Variants in LRP2 observed in about 807,000 individuals in gnomAD.
LRP2 encodes low-density lipoprotein receptor-related protein 2.
LRP2 carries 172 observed loss-of-function variants against 531.0 expected under a neutral mutation model. The observed-to-expected ratio is 0.32, with a 90% CI of 0.29 to 0.37. The LOEUF (loss-of-function observed/expected upper bound fraction) is 0.37, where lower values mean the gene tolerates loss of function less well. Ranked by LOEUF, LRP2 falls within the 10% of genes least tolerant of loss-of-function variation. The pLI, the probability that LRP2 is intolerant of heterozygous loss-of-function variation, is 1.00. For synonymous variants in LRP2, 1,992 were observed against 2,027.6 expected (o/e 0.98, Z 0.47); for missense variants, 5,167 against 5,868.3 (o/e 0.88, Z 3.90).
intron 1 of LRP2, among the ~76,000 whole-genome samples, chr2:169,348,263 T>C (rs3821129): frequency 0.042 from 6,468 of 152,300 alleles, 257 homozygotes; most frequent in East Asian, 0.19. Context: ...AATTCCATCA[T>C]TCTCCTGCCT....
chr2:169,174,671 G>T (rs1473005694), intron 55 of LRP2, among the ~76,000 whole-genome samples: 2 of 152,110 alleles, frequency 1.3e-5, no homozygotes, highest in Non-Finnish European at 2.9e-5. Flanking sequence ...ACCATGCCAG[G>T]CTAATTTTTT....
chr2:169,309,353 T>A (rs1684524180), intron 3 of LRP2, among the ~76,000 whole-genome samples: 2 of 152,214 alleles, frequency 1.3e-5, no homozygotes, highest in Non-Finnish European at 2.9e-5. Flanking sequence ...TTTTATGGTT[T>A]TAGGTCTGAC....
At chr2:169,220,415 A>G in intron 34 of LRP2, 39 bp downstream of exon 34, 2 of 1,420,366 alleles carry the variant, frequency 1.4e-6, no homozygotes, top group Non-Finnish European at 2.0e-6. Flanking sequence ...AACAAGAACA[A>G]TGCTGCATGG....
chr2:169,176,324 A>G (rs1476536039), intron 54 of LRP2, 87 bp downstream of exon 54: 75 of 1,511,806 alleles, frequency 5.0e-5, no homozygotes, highest in Admixed American at 2.1e-4. Flanking sequence ...TTGTCTCACT[A>G]GAAAACTCCC....
intron 77 of LRP2, among the ~76,000 whole-genome samples, chr2:169,130,821 G>A (rs1685258395): frequency 6.6e-6 from 1 of 152,144 alleles, no homozygotes; most frequent in South Asian, 2.1e-4. Flanking sequence ...AGTAAGAGGA[G>A]GAACCAAGGT....
At chr2:169,342,099 G>C (rs1294337397) in intron 1 of LRP2, among the ~76,000 whole-genome samples, 1 of 151,882 alleles carries the variant, frequency 6.6e-6, no homozygotes, top group Non-Finnish European at 1.5e-5. Flanking sequence ...TTCCCTGAGG[G>C]AGATGAACCA....
chr2:169,317,034 G>A (rs1684782507), intron 3 of LRP2, among the ~76,000 whole-genome samples: 1 of 152,124 alleles, frequency 6.6e-6, no homozygotes, highest in South Asian at 2.1e-4. Context: ...TGAATACAGA[G>A]GTGGCATATT....
Position 169,139,296 on chromosome 2 carries a change from T to A in LRP2, c.13343A>T (p.Tyr4448Phe). 2 of 1,614,162 alleles carry A rather than the reference T, an allele frequency of 1.2e-6. No homozygotes were observed. The highest frequency in any genetic ancestry group is 1.7e-6 in the Non-Finnish European group (2 of 1,180,024). Residue 4448 changes from tyrosine to phenylalanine, a missense_variant, in exon 74 of 79, where the codon TAT becomes TTT. Tyr to Phe is a conservative substitution (Grantham distance 22). Coordinates refer to ENST00000649046, the MANE Select transcript of LRP2 (RefSeq NM_004525.3). ...GALAIAGFFH[Y>F]RRTGSLLPAL... ...AGGCAAAAGGGAGCCGGTCCTTCTA[T>A]AGTGGAAGAATCCTGCAATTGCCAG...
At chr2:169,144,161 G>T (rs183629930) in intron 70 of LRP2, among the ~76,000 whole-genome samples, 33 of 152,264 alleles carry the variant, frequency 2.2e-4, no homozygotes, top group African/African-American at 7.7e-4. Flanking sequence ...CTGGAGCAGC[G>T]GTTCTCAAAA....
chr2:169,350,350 A>G (rs1198893517), intron 1 of LRP2, among the ~76,000 whole-genome samples: 3 of 152,078 alleles, frequency 2.0e-5, no homozygotes, highest in Non-Finnish European at 4.4e-5. Context: ...GTGGGTCTAG[A>G]CTATAGGGTA....
intron 1 of LRP2, among the ~76,000 whole-genome samples, chr2:169,321,276 A>G (rs1324765926): frequency 2.0e-5 from 3 of 152,208 alleles, no homozygotes; most frequent in Non-Finnish European, 4.4e-5. Flanking sequence ...TATTTATAAC[A>G]AAGGAAGTTG....
intron 3 of LRP2, among the ~76,000 whole-genome samples, chr2:169,309,719 T>C (rs1684538144): frequency 6.6e-6 from 1 of 152,152 alleles, no homozygotes; most frequent in African/African-American, 2.4e-5. Context: ...TCTTTTTTGG[T>C]TCCATATGAA....
chr2:169,191,856 C>T lies in LRP2; in HGVS notation c.9008G>A (p.Gly3003Glu), dbSNP rs1449285656. Residue 3003 changes from glycine (G) to glutamate (E), a missense_variant, in exon 48 of 79, where the codon GGA (glycine) becomes GAA (glutamate). Physicochemically the swap from Gly to Glu is moderately conservative, Grantham distance 98 (BLOSUM62 -2). Coordinates refer to ENST00000649046, the MANE Select transcript of LRP2 (RefSeq NM_004525.3). ...CSENEFTCGY[G>E]LCIPKIFRCD... ...CCTGAATATCTTTGGGATACACAGT[C>T]CGTAACCACAGGTGAATTCATTTTC... 1 of 1,614,048 alleles carries T rather than the reference C, an allele frequency of 6.2e-7. No homozygotes were observed. The highest frequency in any genetic ancestry group is 2.2e-5 in the East Asian group (1 of 44,866).
At chr2:169,196,811 A>G in intron 46 of LRP2, 100 bp downstream of exon 46, 1 of 1,525,480 alleles carries the variant, frequency 6.6e-7, no homozygotes, top group Non-Finnish European at 9.0e-7. Flanking sequence ...AAGTCCAAGC[A>G]TTCAGCAGCC....
At chr2:169,337,094 C>T (rs1263581779) in intron 1 of LRP2, among the ~76,000 whole-genome samples, 1 of 152,172 alleles carries the variant, frequency 6.6e-6, no homozygotes, top group Admixed American at 6.5e-5. Flanking sequence ...TCCCTCAGAT[C>T]CCCATGACAT....
At chr2:169,192,874 C>T (rs1362987886) in intron 47 of LRP2, among the ~76,000 whole-genome samples, 1 of 152,090 alleles carries the variant, frequency 6.6e-6, no homozygotes, top group African/African-American at 2.4e-5. Flanking sequence ...TGACCCACCA[C>T]CAAAGTCACA....
chr2:169,351,365 T>C (rs1249022986), intron 1 of LRP2, among the ~76,000 whole-genome samples: 1 of 152,086 alleles, frequency 6.6e-6, no homozygotes, highest in Non-Finnish European at 1.5e-5. Context: ...AATAGAGTGA[T>C]AGTTAGAAGG....
intron 6 of LRP2, among the ~76,000 whole-genome samples, chr2:169,293,001 A>G (rs1455162863): frequency 1.3e-5 from 2 of 152,188 alleles, no homozygotes; most frequent in African/African-American, 4.8e-5. Context: ...TTCTGAGTCG[A>G]CCATTCCATG....
At chr2:169,244,239 T>C (rs1279562336) in intron 22 of LRP2, among the ~76,000 whole-genome samples, 4 of 152,206 alleles carry the variant, frequency 2.6e-5, no homozygotes, top group Non-Finnish European at 5.9e-5. Context: ...ACTGGCAAGA[T>C]GGAAAACAGG....
Sources: allele counts gnomAD v4.1 joint callset (sites outside exome capture counted in the v4.1 genomes callset), GRCh38; gene constraint gnomAD v4.1.1; transcripts MANE v1.5; gene names NCBI Gene and HGNC (gene_info 2026-07-23, HGNC 2026-07-21).